The following RARA variants were observed in gnomAD, a reference collection of about 807,000 sequenced individuals.
The protein encoded by RARA is PML-DDX5-RARA fusion.
In RARA, 5 loss-of-function variants were observed where a neutral mutation model predicts 42.8. The ratio of observed to expected loss-of-function variants is 0.12; its 90% CI spans 0.06 to 0.25. The LOEUF (loss-of-function observed/expected upper bound fraction) is 0.25. Ranked by LOEUF, RARA falls within the 10% of genes least tolerant of loss-of-function variation. RARA has a pLI of 1.00. For synonymous variants in RARA, 256 were observed against 259.5 expected, an observed-to-expected ratio of 0.99 and a Z score of 0.13; for missense variants, 402 against 628.7, an observed-to-expected ratio of 0.64 and a Z score of 3.86.
At chr17:40,324,570 G>T (rs1001589359) in intron 1 of RARA, among the ~76,000 whole-genome samples, 1 of 152,216 alleles carries the variant, frequency 6.6e-6, no homozygotes, top group Non-Finnish European at 1.5e-5. Context: ...GGATTGTCCA[G>T]TCACCCTTTC....
At chr17:40,337,015 T>C (rs764558038) in intron 2 of RARA, among the ~76,000 whole-genome samples, 4 of 152,208 alleles carry the variant, frequency 2.6e-5, no homozygotes, top group Non-Finnish European at 5.9e-5. Context: ...AGACCCTTTG[T>C]AGGTGGGAGC....
At chr17:40,328,929 TAGG>T (rs1237775021) in intron 1 of RARA, among the ~76,000 whole-genome samples, 1 of 152,210 alleles carries the variant, frequency 6.6e-6, no homozygotes, top group African/African-American at 2.4e-5. Context: ...GGTAGATACC[TAGG>T]AGTAGAATTG....
At chr17:40,341,776 C>T in intron 2 of RARA, 1 of 1,286,092 alleles carries the variant, frequency 7.8e-7, no homozygotes, top group Non-Finnish European at 9.9e-7. Context: ...TCCTCCACCA[C>T]GGCTTCGCTC....
rs2034554302 is a variant in RARA at position 40,354,562 on chromosome 17, GTC to G, written c.1012+60_1012+61del. 1.3e-5 allele frequency: 21 copies of G among 1,576,462 alleles called. No individual in the cohort carries two copies. Among genetic ancestry groups the G allele is most frequent in the Non-Finnish European group, 1.8e-5 (21 of 1,156,586 alleles). Reference sequence around the variant, plus strand: ...GCTGGGACGGGGGTGCAGCCCTGGAGTCTCTTCCAGGGAGCTCTTTCAGGCCA... The same window carrying G: ...GCTGGGACGGGGGTGCAGCCCTGGAGTCTTCCAGGGAGCTCTTTCAGGCCA... On this transcript the variant is annotated intron_variant, in intron 7 of 8. Transcript: ENST00000254066. This position sits in a 1 kb window ranked among gnomAD's most constrained non-coding sequence, Gnocchi z 4.5.
At position 40,348,227 on chromosome 17, in the gene RARA, T is replaced by C; in HGVS notation, c.179-89T>C. The C allele has an allele frequency of 5.6e-6, 8 of 1,434,216 alleles. No individual in the cohort carries two copies. The South Asian group carries it at 1.2e-4, about 21-fold the overall frequency. 88.8% of individuals were successfully genotyped at this position (1,434,216 alleles called of 1,614,324 possible). ...CAGCAGTGGTGAGGCTGGGAGAGGC[T>C]CTTAGGAGGGACGGTGAGGCAGGGT... On this transcript the variant is annotated intron_variant, in intron 2 of 8. Transcript: ENST00000254066.
intron 2 of RARA, among the ~76,000 whole-genome samples, chr17:40,337,975 C>T (rs1007115024): frequency 6.6e-6 from 1 of 152,152 alleles, no homozygotes; most frequent in Non-Finnish European, 1.5e-5. Context: ...TCTTGGAGTC[C>T]GAAATGTAGA....
In RARA at chr17:40,326,005, G is replaced by T. The variant is rs2033535522; in HGVS notation, c.-362-4852G>T. 6.6e-6 allele frequency among the ~76,000 whole-genome samples: 1 copy of T among 152,314 alleles called. No individual in the cohort carries two copies. The highest frequency in any genetic ancestry group is 2.1e-4 in the South Asian group (1 of 4,826). On this transcript the variant is annotated intron_variant, in intron 1 of 8. Transcript: ENST00000254066. The surrounding 1 kb of genome is among the most constrained non-coding windows in gnomAD (Gnocchi z 5.2). ...GTTTCCCTTTTTTGGTTTGTGAAAT[G>T]AAAGAAGGGAATTTGGGAATGGGTT...
intron 1 of RARA, chr17:40,318,458 C>T (rs1474327846): frequency 1.3e-5 from 2 of 152,350 alleles, no homozygotes; most frequent in African/African-American, 4.8e-5. Flanking sequence ...GGTAATTCCT[C>T]CCCTGGGGAT....
chr17:40,330,143 A>G (rs1235955811), intron 1 of RARA, among the ~76,000 whole-genome samples: 7 of 152,154 alleles, frequency 4.6e-5, no homozygotes, highest in African/African-American at 1.4e-4. Context: ...GCTTCTGCAG[A>G]CAGAAGTATG....
At position 40,356,635 on chromosome 17, in the gene RARA, C is replaced by T; in HGVS notation, c.*409C>T. 5.5e-6 allele frequency: 3 copies of T among 542,112 alleles called. No individual in the cohort carries two copies. Among genetic ancestry groups the T allele is most frequent in the South Asian group, 4.7e-5 (3 of 64,132 alleles). The allele number at this position is 542,112 out of a possible 1,614,324, so 33.6% of individuals were successfully genotyped here. A position where few individuals can be genotyped will look rare whatever the true frequency, so the allele number is the denominator to read the frequency against. The stretch of plus-strand genomic sequence containing the variant: ...TCCCCAGCTGGGGAACCTCAACCTC[C>T]CCCCTGCCTCGGTTGGTGACAGAGG... On this transcript the variant is annotated 3_prime_UTR_variant, in exon 9 of 9. Transcript: ENST00000254066.
intron 4 of RARA, 64 bp downstream of exon 4, chr17:40,349,989 C>T: frequency 6.3e-7 from 1 of 1,590,176 alleles, no homozygotes; most frequent in Non-Finnish European, 8.6e-7. Context: ...TCCTAAAGAC[C>T]AAGGGAGCAG....
Position 40,326,613 on chromosome 17 carries a change from C to A in RARA, c.-362-4244C>A. ...GTTGCAGGTGCTCTAGCCCCCTACC[C>A]CTTTTTCTGCTGTGCTTAGGCTAGG... On this transcript the variant is annotated intron_variant, in intron 1 of 8. Coordinates refer to ENST00000254066, the MANE Select transcript of RARA (RefSeq NM_000964.4). This position sits in a 1 kb window ranked among gnomAD's most constrained non-coding sequence, Gnocchi z 5.2. The A allele has an allele frequency of 6.6e-6, 1 of 152,404 alleles. No homozygotes were observed. 9.4% of individuals were successfully genotyped at this position (152,404 alleles called of 1,614,324 possible).
In RARA at chr17:40,352,896, TAGTG is replaced by T. The variant is rs1175300427; in HGVS notation, c.807+392_807+395del. Among the ~76,000 whole-genome samples the T allele has an allele frequency of 6.6e-6, 1 of 152,118 alleles. No individual in the cohort carries two copies. Among genetic ancestry groups the T allele is most frequent in the African/African-American group, 2.4e-5 (1 of 41,422 alleles). Reference sequence around the variant, plus strand: ...AAGTTCAAGACCACCCTGGGCAACATAGTGAGACCTTATTTCTGCAAAAAACTAA... The same window carrying T: ...AAGTTCAAGACCACCCTGGGCAACATAGACCTTATTTCTGCAAAAAACTAA... On this transcript the variant is annotated intron_variant, in intron 6 of 8. Coordinates refer to ENST00000254066, the MANE Select transcript of RARA (RefSeq NM_000964.4). The surrounding 1 kb of genome is among the most constrained non-coding windows in gnomAD (Gnocchi z 4.9).
intron 2 of RARA, chr17:40,341,884 C>T (rs1021424927): frequency 3.9e-6 from 4 of 1,036,156 alleles, no homozygotes; most frequent in Non-Finnish European, 5.0e-6. Flanking sequence ...TCGCAGCCCC[C>T]TCCTCTCCCT....
At chr17:40,325,687 G>T (rs2033525792) in intron 1 of RARA, among the ~76,000 whole-genome samples, 2 of 152,154 alleles carry the variant, frequency 1.3e-5, no homozygotes, top group Non-Finnish European at 2.9e-5. Context: ...TTGAGCTCTG[G>T]GTGTCATTTG....
chr17:40,325,650 C>T (rs1001274538), intron 1 of RARA, among the ~76,000 whole-genome samples: 6 of 152,246 alleles, frequency 3.9e-5, no homozygotes, highest in Non-Finnish European at 7.3e-5. Context: ...TCTGCCAGGG[C>T]TAGAGTCCCT....
intron 2 of RARA, 81 bp downstream of exon 2, chr17:40,331,477 G>GT: frequency 3.5e-5 from 51 of 1,459,894 alleles, no homozygotes; most frequent in Non-Finnish European, 4.6e-5. Flanking sequence ...GGGCACGTCT[G>GT]TTCTGCTGTG....
Position 40,339,543 on chromosome 17 carries a change from C to T in RARA, c.178+8147C>T, listed in dbSNP as rs143801485. On this transcript the variant is annotated intron_variant, in intron 2 of 8. Coordinates refer to ENST00000254066, the MANE Select transcript of RARA (RefSeq NM_000964.4). ...CCCATGACCTTGCTGTTGCCCAGAACGGGCCTCTTGCCCTAGCTTCTCCTC... is the reference window on the plus strand; with the variant it reads ...CCCATGACCTTGCTGTTGCCCAGAATGGGCCTCTTGCCCTAGCTTCTCCTC... Among the ~76,000 whole-genome samples, 9 of 152,260 alleles carry T rather than the reference C, an allele frequency of 5.9e-5. No homozygotes were observed. The East Asian group carries it at 1.5e-3, about 26-fold the overall frequency.
chr17:40,323,210 T>G (rs1299951769), intron 1 of RARA: 1 of 152,204 alleles, frequency 6.6e-6, no homozygotes, highest in Non-Finnish European at 1.5e-5. Context: ...GACTGAGTGC[T>G]GGGGAGACTG....
Sources: allele counts gnomAD v4.1 joint callset (sites outside exome capture counted in the v4.1 genomes callset), GRCh38; gene constraint gnomAD v4.1.1; non-coding constraint Gnocchi (gnomAD v3.1); transcripts MANE v1.5; gene names NCBI Gene and HGNC (gene_info 2026-07-23, HGNC 2026-07-21).